The following MACROD2 variants were observed in gnomAD, a reference collection of about 807,000 sequenced individuals.
MACROD2 encodes ADP-ribose glycohydrolase MACROD2.
In MACROD2, 36 loss-of-function variants were observed where a neutral mutation model predicts 70.4. The ratio of observed to expected loss-of-function variants is 0.51; its 90% CI spans 0.39 to 0.68. MACROD2 has a LOEUF of 0.68. MACROD2 is among the 30% of genes least tolerant of loss of function. The pLI is 0.00. For missense variants in MACROD2, 496 were observed against 538.4 expected, an observed-to-expected ratio of 0.92 and a Z score of 0.78; for synonymous variants, 172 against 178.8, an observed-to-expected ratio of 0.96 and a Z score of 0.30.
chr20:14,194,666 C>T (rs774061000), intron 3 of MACROD2, among the ~76,000 whole-genome samples: 12 of 152,026 alleles, frequency 7.9e-5, no homozygotes, highest in African/African-American at 2.4e-4. Flanking sequence ...TGCCTTGATG[C>T]GAAGTGGGAA....
Position 15,321,909 on chromosome 20 carries a change from C to T in MACROD2, c.540+91848C>T, listed in dbSNP as rs777117737. ...CTGGGTTCAAGTAATTCTCCTACCT[C>T]AGCCTCCCAAGTATCTGGGACTACA... On this transcript the variant is annotated intron_variant, in intron 6 of 17. Coordinates refer to ENST00000684519, the MANE Select transcript of MACROD2 (RefSeq NM_001351661.2). Among the ~76,000 whole-genome samples the T allele has an allele frequency of 4.2e-5, 6 of 143,776 alleles. 1 individual carries two copies. The highest frequency in any genetic ancestry group is 6.3e-5 in the Non-Finnish European group (4 of 63,592). 94.3% of individuals were successfully genotyped at this position (143,776 alleles called of 152,430 possible).
At chr20:15,215,414 G>A (rs2076801844) in intron 5 of MACROD2, among the ~76,000 whole-genome samples, 1 of 151,926 alleles carries the variant, frequency 6.6e-6, no homozygotes, top group Admixed American at 6.6e-5. Flanking sequence ...TGTTTGTTAG[G>A]TGAGGAATAC....
chr20:15,297,938 C>T (rs932685416), intron 6 of MACROD2, among the ~76,000 whole-genome samples: 3 of 152,130 alleles, frequency 2.0e-5, no homozygotes, highest in African/African-American at 7.2e-5. Flanking sequence ...TAAGGGAACA[C>T]AATAGCTGAA....
At chr20:16,042,125 T>C (rs1438384762) in intron 16 of MACROD2, among the ~76,000 whole-genome samples, 5 of 152,086 alleles carry the variant, frequency 3.3e-5, no homozygotes, top group Non-Finnish European at 7.4e-5. Flanking sequence ...TAGTTTTAAA[T>C]AGAATTTCCT....
chr20:15,601,880 T>G (rs1231949409), intron 8 of MACROD2, among the ~76,000 whole-genome samples: 2 of 151,900 alleles, frequency 1.3e-5, no homozygotes, highest in Non-Finnish European at 2.9e-5. Flanking sequence ...TACAAAAAAC[T>G]AGCCGGGTGT....
chr20:14,202,403 C>A (rs1807754336), intron 3 of MACROD2, among the ~76,000 whole-genome samples: 1 of 152,162 alleles, frequency 6.6e-6, no homozygotes, highest in Admixed American at 6.6e-5. Context: ...TTAGAAGAAA[C>A]ACTTCTGTTT....
At chr20:14,757,954 GC>G (rs2071963827) in intron 5 of MACROD2, 5 of 935,726 alleles carry the variant, frequency 5.3e-6, no homozygotes, top group East Asian at 2.4e-5. Context: ...GGAGTGCTGT[GC>G]CCCCTGGTGC....
In MACROD2 at chr20:15,761,448, TA is replaced by T. The variant is rs528189174; in HGVS notation, c.646-101295del. Reference sequence around the variant, plus strand: ...AAAGGGAAGAATTTAGCTTAGTAAATAATTAAGGCAATTGTTTTAATTGTGC... The same window carrying T: ...AAAGGGAAGAATTTAGCTTAGTAAATATTAAGGCAATTGTTTTAATTGTGC... On this transcript the variant is annotated intron_variant, in intron 8 of 17. Coordinates refer to ENST00000684519, the MANE Select transcript of MACROD2 (RefSeq NM_001351661.2). Among the ~76,000 whole-genome samples the T allele has an allele frequency of 8.5e-5, 13 of 152,300 alleles. No individual in the cohort carries two copies. In the East Asian group the frequency reaches 2.5e-3, roughly 29 times the overall value.
intron 5 of MACROD2, among the ~76,000 whole-genome samples, chr20:14,912,474 G>A (rs530382936): frequency 6.6e-6 from 1 of 152,212 alleles, no homozygotes; most frequent in East Asian, 1.9e-4. Flanking sequence ...AGGAAACTTT[G>A]TCAAGTTTCC....
chr20:14,537,409 G>A (rs1008188253), intron 4 of MACROD2, among the ~76,000 whole-genome samples: 1 of 152,172 alleles, frequency 6.6e-6, no homozygotes, highest in African/African-American at 2.4e-5. Context: ...TACACCTAGG[G>A]ACAGGGAAGT....
chr20:14,780,702 A>T (rs767997598), intron 5 of MACROD2, among the ~76,000 whole-genome samples: 23 of 152,130 alleles, frequency 1.5e-4, no homozygotes, highest in Non-Finnish European at 2.6e-4. Context: ...TCATAATTTA[A>T]TTACTAGTGA....
In MACROD2 at chr20:15,152,160, G is replaced by A. The variant is rs185789656; in HGVS notation, c.419-77780G>A. On this transcript the variant is annotated intron_variant, in intron 5 of 17. Coordinates refer to ENST00000684519, the MANE Select transcript of MACROD2 (RefSeq NM_001351661.2). Reference sequence around the variant, plus strand: ...GGAAAAATTGAAAGTGCCGTTTTCCGGCTATTTGGAACCACTGTCAAGTTT... The same window carrying A: ...GGAAAAATTGAAAGTGCCGTTTTCCAGCTATTTGGAACCACTGTCAAGTTT... Among the ~76,000 whole-genome samples, 54 of 152,048 alleles carry A rather than the reference G, an allele frequency of 3.6e-4. No individual in the cohort carries two copies. The East Asian group carries it at 8.7e-3, about 25-fold the overall frequency.
At chr20:15,149,648 C>T (rs577846228) in intron 5 of MACROD2, among the ~76,000 whole-genome samples, 10 of 152,020 alleles carry the variant, frequency 6.6e-5, no homozygotes, top group South Asian at 2.1e-4. Context: ...GTGAGTTGAG[C>T]GTAGTTTGTG....
At chr20:15,373,624 G>C (rs113056402) in intron 6 of MACROD2, among the ~76,000 whole-genome samples, 1 of 152,056 alleles carries the variant, frequency 6.6e-6, no homozygotes. Context: ...GATGGTCTCA[G>C]ACTCCTGGCT....
In MACROD2 at chr20:14,777,516, T is replaced by C. The variant is rs573223787; in HGVS notation, c.418+92557T>C. 2.6e-5 allele frequency among the ~76,000 whole-genome samples: 4 copies of C among 152,174 alleles called. No homozygotes were observed. The South Asian group carries it at 8.3e-4, about 32-fold the overall frequency. ...TATTTTGGTGGCAGTCCTTAACAGC[T>C]GTGGATTTATTTTTCTAATGTTTGC... is the stretch of plus-strand genomic sequence containing the variant. On this transcript the variant is annotated intron_variant, in intron 5 of 17. Transcript: ENST00000684519.
In MACROD2 at chr20:14,325,249, A is replaced by C. The variant is rs189959734; in HGVS notation, c.272-168230A>C. The C allele has an allele frequency of 3.2e-3, 658 of 204,920 alleles. 1 individual carries two copies. Among genetic ancestry groups the C allele is most frequent in the Non-Finnish European group, 4.7e-3 (487 of 102,838 alleles). 12.7% of individuals were successfully genotyped at this position (204,920 alleles called of 1,614,324 possible). A position where few individuals can be genotyped will look rare whatever the true frequency, so the allele number is the denominator to read the frequency against. ...ACTTTCACAGTCAACAAGTCATCTT[A>C]CTCAGTAGAACACAAAGTAAATGGT... On this transcript the variant is annotated intron_variant, in intron 3 of 17. Coordinates refer to ENST00000684519, the MANE Select transcript of MACROD2 (RefSeq NM_001351661.2).
intron 5 of MACROD2, among the ~76,000 whole-genome samples, chr20:15,122,089 A>G (rs1172905409): frequency 6.6e-6 from 1 of 152,188 alleles, no homozygotes; most frequent in African/African-American, 2.4e-5. Context: ...CTTAAAATTA[A>G]TATTTTCTTC....
intron 8 of MACROD2, among the ~76,000 whole-genome samples, chr20:15,630,359 G>A (rs464188): frequency 6.6e-6 from 1 of 152,014 alleles, no homozygotes; most frequent in African/African-American, 2.4e-5. Context: ...CAAAAATGTT[G>A]TGCATCTGAA....
intron 8 of MACROD2, among the ~76,000 whole-genome samples, chr20:15,855,722 C>T (rs999280489): frequency 1.2e-4 from 18 of 152,146 alleles, no homozygotes; most frequent in African/African-American, 4.3e-4. Context: ...CTAACTCCAT[C>T]GATGATTTTG....
Sources: gnomAD v4.1 joint callset for allele counts (sites outside exome capture counted in the v4.1 genomes callset) on GRCh38, gnomAD v4.1.1 for gene constraint, MANE v1.5 for transcripts, NCBI Gene and HGNC (gene_info 2026-07-23, HGNC 2026-07-21) for gene names.